The following PDS5B variants were observed in gnomAD, a reference collection of about 807,000 sequenced individuals.
The protein encoded by PDS5B is sister chromatid cohesion protein PDS5 homolog B.
In PDS5B, 51 loss-of-function variants were observed where a neutral mutation model predicts 184.1. The ratio of observed to expected loss-of-function variants is 0.28; its 90% CI spans 0.22 to 0.35. The LOEUF (loss-of-function observed/expected upper bound fraction) is 0.35, where lower values mean the gene tolerates loss of function less well. Ranked by LOEUF, PDS5B falls within the 10% of genes least tolerant of loss-of-function variation. PDS5B has a pLI of 1.00. For synonymous variants in PDS5B, 566 were observed against 569.2 expected (o/e 0.99, Z 0.08); for missense variants, 1,180 against 1,723.3 (o/e 0.68, Z 5.58).
At chr13:32,717,699 AAAAT>A (rs1952511362) in intron 19 of PDS5B, among the ~76,000 whole-genome samples, 1 of 149,378 alleles carries the variant, frequency 6.7e-6, no homozygotes, top group South Asian at 2.1e-4. Context: ...AAAAAAAAAA[AAAAT>A]AAATAAATCA....
At chr13:32,694,189 T>G in intron 13 of PDS5B, 34 bp from the exon 14 acceptor site, 1 of 1,384,118 alleles carries the variant, frequency 7.2e-7, no homozygotes, top group Non-Finnish European at 1.0e-6. Context: ...TTATTCTGTT[T>G]TGTTATTTAA....
At chr13:32,762,568 C>T (rs940764577) in intron 30 of PDS5B, among the ~76,000 whole-genome samples, 2 of 152,072 alleles carry the variant, frequency 1.3e-5, no homozygotes, top group African/African-American at 4.8e-5. Flanking sequence ...ACATTTCCAT[C>T]AACTCATTTT....
intron 17 of PDS5B, among the ~76,000 whole-genome samples, chr13:32,706,655 C>G (rs1952027880): frequency 6.6e-6 from 1 of 151,922 alleles, no homozygotes; most frequent in Non-Finnish European, 1.5e-5. Flanking sequence ...CTCAGACCTG[C>G]CATGGAAAAG....
chr13:32,616,536 A>G (rs148617923), intron 1 of PDS5B, among the ~76,000 whole-genome samples: 1 of 152,284 alleles, frequency 6.6e-6, no homozygotes, highest in East Asian at 1.9e-4. Context: ...ACATGTAGGT[A>G]TTTTCAGTAT....
intron 13 of PDS5B, among the ~76,000 whole-genome samples, chr13:32,693,630 C>T (rs1951616158): frequency 6.7e-6 from 1 of 150,242 alleles, no homozygotes; most frequent in African/African-American, 2.4e-5. Context: ...AATCTGTAAC[C>T]AAGTGTTTCA....
At chr13:32,586,917 G>GGGA (rs1783054642) in intron 1 of PDS5B, among the ~76,000 whole-genome samples, 2 of 143,208 alleles carry the variant, frequency 1.4e-5, no homozygotes, top group South Asian at 4.2e-4. Context: ...ATCCCGGCCG[G>GGGA]GGCGGCGGCG....
At position 32,655,359 on chromosome 13, in the gene PDS5B, C is replaced by CATATAT. The variant is rs1177251327; in HGVS notation, c.313-2869_313-2864dup. On this transcript the variant is annotated intron_variant, in intron 3 of 34. Transcript: ENST00000315596. Reference sequence around the variant, plus strand: ...AAAAGTATCTCTTCATGTTCTTTGCCATATATATATATATATTTTTTTTTT... The same window carrying CATATAT: ...AAAAGTATCTCTTCATGTTCTTTGCCATATATATATATATATATATATTTTTTTTTT... Among the ~76,000 whole-genome samples the CATATAT allele has an allele frequency of 9.1e-4, 36 of 39,602 alleles. 2 individuals carry two copies. The highest frequency in any genetic ancestry group is 8.1e-3 in the East Asian group (2 of 246). 26.0% of individuals were successfully genotyped at this position (39,602 alleles called of 152,430 possible). A position where few individuals can be genotyped will look rare whatever the true frequency, so the allele number is the denominator to read the frequency against.
intron 19 of PDS5B, among the ~76,000 whole-genome samples, chr13:32,731,790 G>A (rs1322878959): frequency 1.3e-5 from 2 of 152,138 alleles, no homozygotes; most frequent in African/African-American, 4.8e-5. Context: ...TAGCTGGAAT[G>A]ATAGCAGTAA....
intron 6 of PDS5B, among the ~76,000 whole-genome samples, chr13:32,666,640 A>G (rs1439677742): frequency 6.6e-6 from 1 of 152,158 alleles, no homozygotes; most frequent in Non-Finnish European, 1.5e-5. Context: ...CTTTGACACC[A>G]TAAATATTGT....
At chr13:32,655,374 A>ATATATATATATATATATATATATATTTTT in intron 3 of PDS5B, among the ~76,000 whole-genome samples, 3 of 72,464 alleles carry the variant, frequency 4.1e-5, no homozygotes, top group African/African-American at 1.7e-4. Context: ...ATATATATAT[A>ATATATATATATATATATATATATATTTTT]TTTTTTTTTT....
intron 2 of PDS5B, chr13:32,649,867 T>G (rs1950325305): frequency 6.6e-6 from 1 of 152,168 alleles, no homozygotes; most frequent in Non-Finnish European, 1.5e-5. Flanking sequence ...GGAACTGGTG[T>G]GTATTTTATT....
At chr13:32,649,832 A>T (rs1402996493) in intron 2 of PDS5B, 1 of 152,152 alleles carries the variant, frequency 6.6e-6, no homozygotes, top group Non-Finnish European at 1.5e-5. Flanking sequence ...TAAATTTACT[A>T]ATAGGTGGAT....
chr13:32,652,336 A>T (rs1258521378), intron 3 of PDS5B: 2 of 212,622 alleles, frequency 9.4e-6, no homozygotes, highest in East Asian at 2.2e-4. Flanking sequence ...TTTAAAACAT[A>T]ATACCTAGTA....
Position 32,658,420 on chromosome 13 carries a change from C to A in PDS5B, c.400-14C>A. ...AAAATGCTTAACTTTCACTTTTTTA[C>A]ACCTTATTTTTAGAACATTGCTTGG... is the stretch of plus-strand genomic sequence containing the variant. On this transcript the variant is annotated splice_polypyrimidine_tract_variant and intron_variant, in intron 4 of 34. Transcript: ENST00000315596. 1 of 1,503,160 alleles carries A rather than the reference C, an allele frequency of 6.7e-7. No individual in the cohort carries two copies. Among genetic ancestry groups the A allele is most frequent in the Non-Finnish European group, 9.1e-7 (1 of 1,095,526 alleles). 93.1% of individuals were successfully genotyped at this position (1,503,160 alleles called of 1,614,324 possible). A position where few individuals can be genotyped will look rare whatever the true frequency, so the allele number is the denominator to read the frequency against.
At chr13:32,718,401 C>T (rs761999871) in intron 19 of PDS5B, among the ~76,000 whole-genome samples, 7 of 152,156 alleles carry the variant, frequency 4.6e-5, no homozygotes, top group South Asian at 2.1e-4. Flanking sequence ...CCGCCTGCCT[C>T]GGCCTCCCAA....
intron 1 of PDS5B, among the ~76,000 whole-genome samples, chr13:32,604,257 C>T (rs1431302690): frequency 2.6e-5 from 4 of 152,114 alleles, no homozygotes; most frequent in Non-Finnish European, 4.4e-5. Flanking sequence ...CCCATCAATA[C>T]CTAGTTTATT....
intron 24 of PDS5B, among the ~76,000 whole-genome samples, chr13:32,749,539 A>G (rs2140990193): frequency 6.6e-6 from 1 of 152,338 alleles, no homozygotes; most frequent in African/African-American, 2.4e-5. Flanking sequence ...AATTCAGTTC[A>G]TGAAAGATTT....
intron 19 of PDS5B, among the ~76,000 whole-genome samples, chr13:32,725,451 C>T (rs770465864): frequency 6.6e-5 from 10 of 152,014 alleles, no homozygotes; most frequent in Non-Finnish European, 1.2e-4. Context: ...TATTCCAGGA[C>T]TATCTTGCAC....
intron 3 of PDS5B, among the ~76,000 whole-genome samples, chr13:32,656,769 G>A (rs758056832): frequency 1.6e-4 from 25 of 151,882 alleles, no homozygotes; most frequent in African/African-American, 4.8e-4. Flanking sequence ...GCTAATTTTC[G>A]TATTTTTAGT....
Sources: gnomAD v4.1 joint callset for allele counts (sites outside exome capture counted in the v4.1 genomes callset) on GRCh38, gnomAD v4.1.1 for gene constraint, MANE v1.5 for transcripts, NCBI Gene and HGNC (gene_info 2026-07-23, HGNC 2026-07-21) for gene names.